Variants in C16orf87 observed in about 807,000 individuals in gnomAD.
C16orf87 encodes HDAC and MIER1 interacting protein 1, also known as UPF0547 protein C16orf87.
C16orf87 carries 13 observed loss-of-function variants against 21.0 expected under a neutral mutation model. That is an observed-to-expected ratio of 0.62 (90% CI 0.40 to 0.98). The LOEUF is 0.98. Among genes scored for constraint, C16orf87 ranks in the 50% least tolerant of loss-of-function variants. The pLI is 0.00. For synonymous variants in C16orf87, 49 were observed against 60.2 expected (o/e 0.81, Z 0.86); for missense variants, 113 against 180.4 (o/e 0.63, Z 2.14).
intron 2 of C16orf87, among the ~76,000 whole-genome samples, chr16:46,810,089 G>A (rs1251454182): frequency 6.6e-6 from 1 of 152,104 alleles, no homozygotes; most frequent in Non-Finnish European, 1.5e-5. Context: ...CAACCTTTCT[G>A]CCTTTTTCTT....
rs1267195164 is a variant in C16orf87 at position 46,824,645 on chromosome 16, A to G, written c.67-163T>C. Reference sequence around the variant, plus strand: ...CAACAAATTATCTGAGATGAGTATCATATCACATAGATATTCACATTCTTT... The same window carrying G: ...CAACAAATTATCTGAGATGAGTATCGTATCACATAGATATTCACATTCTTT... On this transcript the variant is annotated intron_variant, in intron 1 of 3. Transcript: ENST00000285697. Among the ~76,000 whole-genome samples the G allele has an allele frequency of 3.3e-5, 5 of 150,880 alleles. No individual in the cohort carries two copies. In the East Asian group the frequency reaches 7.8e-4, roughly 23 times the overall value.
intron 1 of C16orf87, among the ~76,000 whole-genome samples, chr16:46,828,028 G>T (rs185633404): frequency 6.6e-6 from 1 of 151,582 alleles, no homozygotes; most frequent in Admixed American, 6.6e-5. Flanking sequence ...TCTGCCTCCC[G>T]GGTTCAATCA....
chr16:46,805,505 C>A (rs950339511), intron 3 of C16orf87, among the ~76,000 whole-genome samples: 2 of 152,128 alleles, frequency 1.3e-5, no homozygotes, highest in African/African-American at 2.4e-5. Flanking sequence ...ACAATTGCTT[C>A]TTTTGCTAAA....
chr16:46,814,663 C>T (rs1968189337), intron 2 of C16orf87, among the ~76,000 whole-genome samples: 1 of 152,114 alleles, frequency 6.6e-6, no homozygotes, highest in Admixed American at 6.6e-5. Flanking sequence ...TAAACCAAGT[C>T]CTTCATTTGT....
At chr16:46,824,655 G>A (rs1253556469) in intron 1 of C16orf87, among the ~76,000 whole-genome samples, 173 bp from the exon 2 acceptor site, 1 of 144,112 alleles carries the variant, frequency 6.9e-6, no homozygotes, top group Non-Finnish European at 1.5e-5. Flanking sequence ...ATATCACATA[G>A]ATATTCACAT....
intron 2 of C16orf87, among the ~76,000 whole-genome samples, chr16:46,811,286 C>T (rs1207483813): frequency 2.6e-5 from 4 of 152,004 alleles, no homozygotes; most frequent in African/African-American, 9.7e-5. Context: ...GGTGGATCAC[C>T]TGAGGTCAGG....
chr16:46,813,274 C>T (rs182552378), intron 2 of C16orf87, among the ~76,000 whole-genome samples: 1 of 152,222 alleles, frequency 6.6e-6, no homozygotes, highest in East Asian at 1.9e-4. Context: ...ACTCCTACTA[C>T]TTTCATCATA....
chr16:46,811,054 C>G (rs1968066373), intron 2 of C16orf87, among the ~76,000 whole-genome samples: 1 of 152,150 alleles, frequency 6.6e-6, no homozygotes, highest in African/African-American at 2.4e-5. Context: ...TTAAACTGTG[C>G]TACTCACGGG....
chr16:46,808,993 C>G (rs1478860836), intron 3 of C16orf87, among the ~76,000 whole-genome samples: 1 of 117,544 alleles, frequency 8.5e-6, no homozygotes, highest in East Asian at 2.5e-4. Context: ...GTAGTCTTAA[C>G]AGAACTCAGA....
chr16:46,809,278 C>A (rs192746049), intron 3 of C16orf87, among the ~76,000 whole-genome samples: 1 of 150,716 alleles, frequency 6.6e-6, no homozygotes, highest in African/African-American at 2.4e-5. Flanking sequence ...CAGAACAACA[C>A]GCTGTCTCAA....
chr16:46,815,170 T>C (rs1474089390), intron 2 of C16orf87, among the ~76,000 whole-genome samples: 2 of 152,150 alleles, frequency 1.3e-5, no homozygotes, highest in Non-Finnish European at 2.9e-5. Context: ...ATCTACACAA[T>C]GTAGCATAAT....
At chr16:46,804,662 C>T (rs1967871961) in intron 3 of C16orf87, among the ~76,000 whole-genome samples, 1 of 152,154 alleles carries the variant, frequency 6.6e-6, no homozygotes, top group Non-Finnish European at 1.5e-5. Context: ...ATGTGTTCAA[C>T]TGGAGGAGTT....
chr16:46,812,875 C>T (rs186012826), intron 2 of C16orf87, among the ~76,000 whole-genome samples: 110 of 152,272 alleles, frequency 7.2e-4, no homozygotes, highest in Admixed American at 2.2e-3. Context: ...CATCTTACAC[C>T]ATCTCTCAAA....
At chr16:46,824,178 C>T (rs998397359) in intron 2 of C16orf87, among the ~76,000 whole-genome samples, 11 of 152,128 alleles carry the variant, frequency 7.2e-5, no homozygotes, top group African/African-American at 1.7e-4. Flanking sequence ...TTGTTACAAG[C>T]GTTATCAGCA....
chr16:46,809,943 CTCA>C (rs1354302655), intron 2 of C16orf87, among the ~76,000 whole-genome samples, 158 bp from the exon 3 acceptor site: 6 of 152,026 alleles, frequency 3.9e-5, no homozygotes, highest in Non-Finnish European at 7.4e-5. Flanking sequence ...CCCCCACACC[CTCA>C]TAAGAAAAAA....
At position 46,798,950 on chromosome 16, in the gene C16orf87, G is replaced by A. The variant is rs1341670878; in HGVS notation, c.*4002C>T. The A allele has an allele frequency of 2.0e-5, 3 of 151,926 alleles. No homozygotes were observed. The highest frequency in any genetic ancestry group is 7.3e-5 in the African/African-American group (3 of 41,366). The allele number at this position is 151,926 out of a possible 1,614,324, so 9.4% of individuals were successfully genotyped here. A position where few individuals can be genotyped will look rare whatever the true frequency, so the allele number is the denominator to read the frequency against. ...TTTTCAAGCCCACAACAACAACAAA[G>A]TTATTTAATGCTTAATGACTGAATG... is the stretch of plus-strand genomic sequence containing the variant. On this transcript the variant is annotated 3_prime_UTR_variant, in exon 4 of 4. Transcript: ENST00000285697.
chr16:46,806,405 G>A (rs1206764689), intron 3 of C16orf87, among the ~76,000 whole-genome samples: 5 of 151,918 alleles, frequency 3.3e-5, no homozygotes, highest in Middle Eastern at 3.4e-3. Flanking sequence ...CTAGAGGCAC[G>A]CACCACCACG....
chr16:46,819,036 T>G (rs1453468219), intron 2 of C16orf87, among the ~76,000 whole-genome samples: 1 of 152,192 alleles, frequency 6.6e-6, no homozygotes, highest in African/African-American at 2.4e-5. Flanking sequence ...ACATAGGGTG[T>G]GCCCCAAAAA....
intron 1 of C16orf87, among the ~76,000 whole-genome samples, chr16:46,825,067 A>G (rs1198057217): frequency 6.6e-6 from 1 of 152,220 alleles, no homozygotes; most frequent in Non-Finnish European, 1.5e-5. Context: ...GTGAGTGACC[A>G]ATAGAAAACT....
Sources: allele counts gnomAD v4.1 joint callset (sites outside exome capture counted in the v4.1 genomes callset), GRCh38; gene constraint gnomAD v4.1.1; transcripts MANE v1.5; gene names NCBI Gene and HGNC (gene_info 2026-07-23, HGNC 2026-07-21).